Variants in NDRG3 observed in about 807,000 individuals in gnomAD.
The protein encoded by NDRG3 is NDRG family member 3.
NDRG3 carries 23 observed loss-of-function variants against 57.2 expected under a neutral mutation model. The observed-to-expected ratio is 0.40, with a 90% CI of 0.29 to 0.57. The LOEUF (loss-of-function observed/expected upper bound fraction) is 0.57, where lower values mean the gene tolerates loss of function less well. Ranked by LOEUF, NDRG3 falls within the 20% of genes least tolerant of loss-of-function variation. The pLI is 0.42. For synonymous variants in NDRG3, 132 were observed against 162.6 expected (o/e 0.81, Z 1.43); for missense variants, 384 against 457.3 (o/e 0.84, Z 1.46).
chr20:36,654,194 G>A (rs1431131771), intron 15 of NDRG3, among the ~76,000 whole-genome samples: 1 of 152,224 alleles, frequency 6.6e-6, no homozygotes, highest in East Asian at 1.9e-4. Context: ...GGATGGTGCA[G>A]GTGAAGGGGA....
At chr20:36,655,856 T>C (rs1978606371) in intron 15 of NDRG3, among the ~76,000 whole-genome samples, 1 of 152,046 alleles carries the variant, frequency 6.6e-6, no homozygotes, top group Admixed American at 6.6e-5. Context: ...AATATATAGG[T>C]TGGGCACGGT....
At chr20:36,673,368 C>T (rs1008422448) in intron 8 of NDRG3, among the ~76,000 whole-genome samples, 6 of 151,726 alleles carry the variant, frequency 4.0e-5, no homozygotes, top group Non-Finnish European at 8.8e-5. Context: ...CAAGAAATTA[C>T]GAAAAAACAG....
intron 2 of NDRG3, among the ~76,000 whole-genome samples, chr20:36,720,394 A>T (rs1476197456): frequency 1.3e-5 from 2 of 151,990 alleles, no homozygotes; most frequent in African/African-American, 4.8e-5. Context: ...GCTGATCTCA[A>T]ACTCCTGACC....
At chr20:36,702,449 T>G (rs1983296671) in intron 3 of NDRG3, among the ~76,000 whole-genome samples, 2 of 152,130 alleles carry the variant, frequency 1.3e-5, no homozygotes, top group South Asian at 4.1e-4. Flanking sequence ...ATATTTTTAT[T>G]AGTATGAACT....
chr20:36,678,150 A>G (rs1980919521), intron 8 of NDRG3, among the ~76,000 whole-genome samples: 1 of 152,224 alleles, frequency 6.6e-6, no homozygotes, highest in African/African-American at 2.4e-5. Context: ...TAGCACAGAT[A>G]AAGTGCTGGG....
At chr20:36,707,129 TAGTTCTCATC>T in intron 2 of NDRG3, 122 bp from the exon 3 acceptor site, 1 of 867,200 alleles carries the variant, frequency 1.2e-6, no homozygotes, top group Non-Finnish European at 1.9e-6. Flanking sequence ...AAAACTGAAA[TAGTTCTCATC>T]AGAAGGTTTC....
At chr20:36,692,095 T>G (rs903940886) in intron 3 of NDRG3, among the ~76,000 whole-genome samples, 4 of 152,036 alleles carry the variant, frequency 2.6e-5, no homozygotes, top group Non-Finnish European at 4.4e-5. Flanking sequence ...GACAGGAAAA[T>G]GGAAATTAAA....
In NDRG3 at chr20:36,661,370, T is replaced by C. The variant is rs140193967; in HGVS notation, c.811-986A>G. 7.8e-4 allele frequency among the ~76,000 whole-genome samples: 119 copies of C among 152,380 alleles called. 1 individual carries two copies. Among genetic ancestry groups the C allele is most frequent in the African/African-American group, 2.5e-3 (105 of 41,594 alleles). On this transcript the variant is annotated intron_variant, in intron 12 of 15. Transcript: ENST00000349004. ...ACAATCTGTTGGTTCCATATTATTT[T>C]AGGGCTATTTTGATCAACTGGATTT...
chr20:36,693,414 C>T (rs183493660), intron 3 of NDRG3, among the ~76,000 whole-genome samples: 142 of 151,400 alleles, frequency 9.4e-4, no homozygotes, highest in South Asian at 2.5e-3. Flanking sequence ...TAATAACCTA[C>T]TATTGACCAG....
At chr20:36,672,263 T>G (rs1280476744) in intron 8 of NDRG3, among the ~76,000 whole-genome samples, 1 of 152,216 alleles carries the variant, frequency 6.6e-6, no homozygotes, top group East Asian at 1.9e-4. Context: ...CAGCAATCTG[T>G]GTAAATCTGC....
chr20:36,656,228 C>A, intron 15 of NDRG3, 132 bp downstream of exon 15: 7 of 682,480 alleles, frequency 1.0e-5, no homozygotes, highest in Admixed American at 3.0e-5. Context: ...GTTCCATAAA[C>A]ATTTCAGTTT....
At chr20:36,728,245 G>A (rs112803239) in intron 1 of NDRG3, among the ~76,000 whole-genome samples, 1 of 151,920 alleles carries the variant, frequency 6.6e-6, no homozygotes, top group African/African-American at 2.4e-5. Context: ...TAGTAGAGAC[G>A]GGGTTTCACT....
At chr20:36,740,383 A>G (rs1290292300) in intron 1 of NDRG3, among the ~76,000 whole-genome samples, 2 of 152,186 alleles carry the variant, frequency 1.3e-5, no homozygotes, top group Admixed American at 6.5e-5. Flanking sequence ...GTCTCGCTCT[A>G]TCACCCAGGC....
At position 36,651,776 on chromosome 20, in the gene NDRG3, A is replaced by G. The variant is rs1211138772; in HGVS notation, c.*1744T>C. On this transcript the variant is annotated 3_prime_UTR_variant, in exon 16 of 16. Coordinates refer to ENST00000349004, the MANE Select transcript of NDRG3 (RefSeq NM_032013.4). ...AAATAACACCAGCAATCAGGTAACA[A>G]TGAGACATATGCAGCTTTATTTAAT... 6.6e-6 allele frequency: 1 copy of G among 152,228 alleles called. No individual in the cohort carries two copies. The highest frequency in any genetic ancestry group is 1.9e-4 in the East Asian group (1 of 5,200). 9.4% of individuals were successfully genotyped at this position (152,228 alleles called of 1,614,324 possible).
chr20:36,726,360 A>C (rs778541551), intron 1 of NDRG3, among the ~76,000 whole-genome samples: 2 of 152,248 alleles, frequency 1.3e-5, no homozygotes, highest in Non-Finnish European at 2.9e-5. Context: ...TGTGCAGGAC[A>C]GTAAGCTGCT....
chr20:36,744,820 T>C (rs1782475), intron 1 of NDRG3, among the ~76,000 whole-genome samples: 9,528 of 152,224 alleles, frequency 0.063, 1,040 homozygotes, highest in African/African-American at 0.22. Context: ...GCAGAAAGCC[T>C]CGGACAGAAA....
intron 2 of NDRG3, among the ~76,000 whole-genome samples, chr20:36,717,174 T>C (rs1984324505): frequency 6.6e-6 from 1 of 152,162 alleles, no homozygotes; most frequent in Admixed American, 6.6e-5. Flanking sequence ...ATTATCCACT[T>C]CTTGACAATT....
intron 1 of NDRG3, among the ~76,000 whole-genome samples, chr20:36,743,550 C>T (rs1011125098): frequency 1.3e-5 from 2 of 151,484 alleles, no homozygotes; most frequent in Admixed American, 6.6e-5. Flanking sequence ...CTTGGTGGCT[C>T]ACGCCTGTAA....
In NDRG3 at chr20:36,730,104, G is replaced by A. The variant is rs139449675; in HGVS notation, c.-48-8321C>T. On this transcript the variant is annotated intron_variant, in intron 1 of 15. Coordinates refer to ENST00000349004, the MANE Select transcript of NDRG3 (RefSeq NM_032013.4). ...TCTACCAAAAATACAAAAATTAGCC[G>A]GGCATGATAGCACGTGCCTGTAATC... Among the ~76,000 whole-genome samples, 115 of 151,598 alleles carry A rather than the reference G, an allele frequency of 7.6e-4. 3 individuals are homozygous for A. Among genetic ancestry groups the A allele is most frequent in the African/African-American group, 2.4e-3 (101 of 41,430 alleles).
Sources: allele counts gnomAD v4.1 joint callset (sites outside exome capture counted in the v4.1 genomes callset), GRCh38; gene constraint gnomAD v4.1.1; transcripts MANE v1.5; gene names NCBI Gene and HGNC (gene_info 2026-07-23, HGNC 2026-07-21).